SLC24A2: variants seen among roughly 807,000 people sequenced by gnomAD.
SLC24A2 encodes solute carrier family 24 member 2, also known as sodium/potassium/calcium exchanger 2.
SLC24A2 carries 36 observed loss-of-function variants against 62.0 expected under a neutral mutation model. That is an observed-to-expected ratio of 0.58 (90% confidence interval 0.44 to 0.77). The LOEUF (loss-of-function observed/expected upper bound fraction) is 0.77. SLC24A2 is among the 30% of genes least tolerant of loss of function. The pLI is 0.00. For missense variants in SLC24A2, 846 were observed against 817.9 expected, an observed-to-expected ratio of 1.03 and a Z score of -0.42; for synonymous variants, 358 against 294.0, an observed-to-expected ratio of 1.22 and a Z score of -2.23.
chr9:19,674,725 C>T (rs1156751131), intron 2 of SLC24A2, among the ~76,000 whole-genome samples: 1 of 152,110 alleles, frequency 6.6e-6, no homozygotes, highest in Admixed American at 6.6e-5. Flanking sequence ...ATTTTTAATG[C>T]TATCTATTTC....
the SLC24A2 span, among the ~76,000 whole-genome samples, chr9:20,007,631 A>T: frequency 6.6e-6 from 1 of 152,148 alleles, no homozygotes; most frequent in South Asian, 2.1e-4. Context: ...TTTCAACATG[A>T]AACTATTTTA....
chr9:20,097,813 A>G, the SLC24A2 span, among the ~76,000 whole-genome samples: 3 of 126,534 alleles, frequency 2.4e-5, no homozygotes, highest in Non-Finnish European at 3.1e-5. Context: ...CGCGATCTCG[A>G]CTCACTGCAA....
At chr9:20,085,037 C>T in the SLC24A2 span, among the ~76,000 whole-genome samples, 1 of 152,158 alleles carries the variant, frequency 6.6e-6, no homozygotes, top group Non-Finnish European at 1.5e-5. Context: ...ACTCTGTCAC[C>T]TAGCCTGGAG....
the SLC24A2 span, among the ~76,000 whole-genome samples, chr9:20,086,261 C>T: frequency 6.6e-6 from 1 of 152,140 alleles, no homozygotes; most frequent in African/African-American, 2.4e-5. Flanking sequence ...AATAGCCCAT[C>T]CTCCCCATTC....
chr9:19,742,465 A>G (rs530794124), intron 2 of SLC24A2, among the ~76,000 whole-genome samples: 45 of 152,320 alleles, frequency 3.0e-4, no homozygotes, highest in African/African-American at 1.1e-3. Flanking sequence ...CTGATAGATA[A>G]TGCCCTAAGT....
At chr9:20,001,089 T>C in the SLC24A2 span, among the ~76,000 whole-genome samples, 2 of 152,190 alleles carry the variant, frequency 1.3e-5, no homozygotes, top group African/African-American at 4.8e-5. Flanking sequence ...AATGCAAACG[T>C]GGCAGTTGCA....
chr9:20,207,044 T>C, the SLC24A2 span, among the ~76,000 whole-genome samples: 2 of 152,292 alleles, frequency 1.3e-5, no homozygotes, highest in East Asian at 1.9e-4. Context: ...TGAATTTTCA[T>C]TGAACCTGTA....
chr9:19,752,372 A>C (rs1264584074), intron 2 of SLC24A2, among the ~76,000 whole-genome samples: 4 of 152,092 alleles, frequency 2.6e-5, no homozygotes, highest in Non-Finnish European at 4.4e-5. Context: ...CTCGAACACC[A>C]AGGGGTTATG....
the SLC24A2 span, among the ~76,000 whole-genome samples, chr9:19,970,963 T>A: frequency 6.6e-6 from 1 of 152,214 alleles, no homozygotes; most frequent in East Asian, 1.9e-4. Flanking sequence ...ATGTCCATTG[T>A]CACCTAACTT....
At chr9:19,687,794 A>G (rs576520348) in intron 2 of SLC24A2, among the ~76,000 whole-genome samples, 120 of 152,222 alleles carry the variant, frequency 7.9e-4, no homozygotes, top group African/African-American at 2.6e-3. Flanking sequence ...ATTGGATTTG[A>G]ACCCTATAAT....
chr9:20,217,571 G>T, the SLC24A2 span, among the ~76,000 whole-genome samples: 1 of 152,066 alleles, frequency 6.6e-6, no homozygotes. Context: ...AAGCTTGGGG[G>T]TCCCAACCTT....
chr9:20,276,829 G>A, the SLC24A2 span, among the ~76,000 whole-genome samples: 1 of 152,204 alleles, frequency 6.6e-6, no homozygotes, highest in Non-Finnish European at 1.5e-5. Flanking sequence ...AAAGTTTGGG[G>A]CTTGCACCCT....
intron 5 of SLC24A2, among the ~76,000 whole-genome samples, chr9:19,578,925 G>A (rs1370980598): frequency 6.6e-6 from 1 of 152,154 alleles, no homozygotes; most frequent in Non-Finnish European, 1.5e-5. Flanking sequence ...CCTTAGTCTA[G>A]GCAATGAATG....
the SLC24A2 span, among the ~76,000 whole-genome samples, chr9:19,892,808 T>C: frequency 6.6e-6 from 1 of 152,078 alleles, no homozygotes; most frequent in Non-Finnish European, 1.5e-5. Flanking sequence ...GTCACACAGA[T>C]GGTAAGTGGC....
At chr9:20,292,414 G>C in the SLC24A2 span, among the ~76,000 whole-genome samples, 1 of 152,258 alleles carries the variant, frequency 6.6e-6, no homozygotes, top group Non-Finnish European at 1.5e-5. Flanking sequence ...GAAAAGATGA[G>C]GTAAGTCACA....
chr9:19,691,413 C>T (rs1020034203), intron 2 of SLC24A2, among the ~76,000 whole-genome samples: 2 of 152,054 alleles, frequency 1.3e-5, no homozygotes, highest in African/African-American at 4.8e-5. Flanking sequence ...AGAAAAGGAC[C>T]ATAGGGAATC....
the SLC24A2 span, among the ~76,000 whole-genome samples, chr9:20,295,514 G>A: frequency 6.6e-6 from 1 of 152,192 alleles, no homozygotes; most frequent in Non-Finnish European, 1.5e-5. Flanking sequence ...GGTGTTTCCA[G>A]AGATTAGTGT....
At chr9:19,746,942 A>C (rs1821851062) in intron 2 of SLC24A2, among the ~76,000 whole-genome samples, 1 of 152,156 alleles carries the variant, frequency 6.6e-6, no homozygotes. Context: ...ATTTCAGAGC[A>C]ATACAAAGGA....
the SLC24A2 span, among the ~76,000 whole-genome samples, chr9:20,306,476 G>C: frequency 6.6e-6 from 1 of 152,144 alleles, no homozygotes; most frequent in Non-Finnish European, 1.5e-5. Flanking sequence ...AGACCCAAAG[G>C]CTTCTGCAAA....
Sources: gnomAD v4.1 joint callset for allele counts (sites outside exome capture counted in the v4.1 genomes callset) on GRCh38, gnomAD v4.1.1 for gene constraint, MANE v1.5 for transcripts, NCBI Gene and HGNC (gene_info 2026-07-23, HGNC 2026-07-21) for gene names.